The following XKR4 variants were observed in gnomAD, a reference collection of about 807,000 sequenced individuals.
XKR4 encodes the protein XK related 4.
A neutral mutation model predicts 53.9 loss-of-function variants in XKR4; 12 were observed. The observed-to-expected ratio is 0.22, with a 90% CI of 0.14 to 0.36. The LOEUF (loss-of-function observed/expected upper bound fraction) is 0.36, where lower values mean the gene tolerates loss of function less well. XKR4 is among the 10% of genes least tolerant of loss of function. XKR4 has a pLI of 1.00. For missense variants in XKR4, 799 were observed against 859.5 expected (o/e 0.93, Z 0.88); for synonymous variants, 354 against 362.4 (o/e 0.98, Z 0.26).
At chr8:55,510,491 G>T (rs555240206) in intron 2 of XKR4, among the ~76,000 whole-genome samples, 75 of 152,164 alleles carry the variant, frequency 4.9e-4, no homozygotes, top group African/African-American at 1.7e-3. Context: ...GGAGGGAGAG[G>T]GGTTACCAGG....
At chr8:55,219,255 A>G (rs1023549265) in intron 1 of XKR4, among the ~76,000 whole-genome samples, 2 of 151,732 alleles carry the variant, frequency 1.3e-5, no homozygotes, top group Non-Finnish European at 2.9e-5. Context: ...TGATTCATTC[A>G]TGGACCTGCG....
intron 2 of XKR4, among the ~76,000 whole-genome samples, chr8:55,413,416 G>A (rs920391730): frequency 1.3e-5 from 2 of 152,092 alleles, no homozygotes; most frequent in African/African-American, 4.8e-5. Context: ...AATGGAGACG[G>A]GGTTTCACCA....
chr8:55,416,494 C>T (rs1804847488), intron 2 of XKR4, among the ~76,000 whole-genome samples: 1 of 152,164 alleles, frequency 6.6e-6, no homozygotes, highest in Admixed American at 6.5e-5. Context: ...AAGGATCTGG[C>T]CAGATATTAC....
intron 2 of XKR4, chr8:55,455,001 G>C (rs1312924902): frequency 1.2e-6 from 1 of 818,268 alleles, no homozygotes; most frequent in Non-Finnish European, 2.2e-6. Context: ...CCGCTGGACT[G>C]GCAAAACAGC....
At chr8:55,184,146 C>G (rs1281490263) in intron 1 of XKR4, among the ~76,000 whole-genome samples, 6 of 152,088 alleles carry the variant, frequency 3.9e-5, no homozygotes, top group African/African-American at 1.4e-4. Flanking sequence ...GCTGAATCTT[C>G]TTAACAGCTT....
intron 2 of XKR4, among the ~76,000 whole-genome samples, chr8:55,411,585 A>T (rs1402570464): frequency 6.6e-6 from 1 of 152,192 alleles, no homozygotes; most frequent in Non-Finnish European, 1.5e-5. Context: ...CCTAACCCTG[A>T]TTCCCAAAAC....
chr8:55,497,896 TCCTGCAAGAC>T (rs1483316675), intron 2 of XKR4, among the ~76,000 whole-genome samples: 7 of 152,028 alleles, frequency 4.6e-5, no homozygotes, highest in Non-Finnish European at 8.8e-5. Context: ...CCTCATGCTC[TCCTGCAAGAC>T]CCTACACCAG....
intron 2 of XKR4, among the ~76,000 whole-genome samples, chr8:55,504,347 G>A (rs1806492638): frequency 6.6e-6 from 1 of 151,596 alleles, no homozygotes; most frequent in African/African-American, 2.4e-5. Context: ...CAAGTAGCTA[G>A]GATTACAGGC....
chr8:55,454,703 CG>C, intron 2 of XKR4: 2 of 862,352 alleles, frequency 2.3e-6, no homozygotes, highest in Non-Finnish European at 4.0e-6. Context: ...TCCACGTGGA[CG>C]GCATAGATGA....
intron 1 of XKR4, among the ~76,000 whole-genome samples, chr8:55,189,248 G>A (rs558413459): frequency 1.4e-4 from 22 of 152,298 alleles, no homozygotes; most frequent in Admixed American, 9.8e-4. Context: ...CTCTGAAAAA[G>A]GTAGAACTTT....
chr8:55,514,855 C>T (rs1806687511), intron 2 of XKR4, among the ~76,000 whole-genome samples: 1 of 152,114 alleles, frequency 6.6e-6, no homozygotes, highest in South Asian at 2.1e-4. Context: ...GGCCTTCTTG[C>T]TTTCTCCCAT....
intron 1 of XKR4, among the ~76,000 whole-genome samples, chr8:55,272,305 T>G (rs948017896): frequency 6.6e-6 from 1 of 152,134 alleles, no homozygotes; most frequent in African/African-American, 2.4e-5. Flanking sequence ...AACTCAACAT[T>G]AACAAGCAAT....
chr8:55,460,889 C>G (rs888924371), intron 2 of XKR4, among the ~76,000 whole-genome samples: 1 of 152,202 alleles, frequency 6.6e-6, no homozygotes, highest in African/African-American at 2.4e-5. Context: ...ATTGCTAGCA[C>G]AGCAGTCTGA....
At chr8:55,207,067 C>T (rs2129363034) in intron 1 of XKR4, among the ~76,000 whole-genome samples, 1 of 152,352 alleles carries the variant, frequency 6.6e-6, no homozygotes, top group East Asian at 1.9e-4. Context: ...TCACTCTCCC[C>T]AAATTCCCAA....
At chr8:55,435,698 T>C (rs1261703339) in intron 2 of XKR4, among the ~76,000 whole-genome samples, 1 of 88 alleles carries the variant, frequency 0.011, no homozygotes, top group East Asian at 0.071. Context: ...CCCTCCTGAA[T>C]AGTGGGACCC....
At chr8:55,452,383 G>A (rs1563354167) in intron 2 of XKR4, 1 of 629,600 alleles carries the variant, frequency 1.6e-6, no homozygotes, top group Non-Finnish European at 2.9e-6. Flanking sequence ...AAGATGACCC[G>A]GTACGTAGTG....
intron 1 of XKR4, among the ~76,000 whole-genome samples, chr8:55,312,447 G>T (rs1293686204): frequency 6.6e-6 from 1 of 152,120 alleles, no homozygotes; most frequent in East Asian, 1.9e-4. Flanking sequence ...GCATATTTAA[G>T]AAGTTGATAC....
chr8:55,102,931 C>G lies in XKR4; in HGVS notation c.443C>G (p.Thr148Arg). The change falls in exon 1 of 3, where the codon ACG becomes AGG. Residue 148 changes from threonine to arginine, a missense_variant. Physicochemically the swap from Thr to Arg is moderately conservative, Grantham distance 71 (BLOSUM62 -1). Transcript: ENST00000327381. This position sits in a 1 kb window ranked among gnomAD's most constrained non-coding sequence, Gnocchi z 5.1. ...LRGQRWWFGL[T>R]LFFVVLGSLS... Reference sequence around the variant, plus strand: ...GGCCAGCGCTGGTGGTTCGGGCTCACGCTCTTCTTCGTGGTGCTCGGCTCT... The same window carrying G: ...GGCCAGCGCTGGTGGTTCGGGCTCAGGCTCTTCTTCGTGGTGCTCGGCTCT... The G allele has an allele frequency of 6.2e-7, 1 of 1,611,700 alleles. No homozygotes were observed. Among genetic ancestry groups the G allele is most frequent in the Non-Finnish European group, 8.5e-7 (1 of 1,179,886 alleles).
intron 2 of XKR4, among the ~76,000 whole-genome samples, chr8:55,438,148 C>CA (rs371336409): frequency 1.8e-4 from 27 of 146,096 alleles, no homozygotes; most frequent in Admixed American, 8.2e-4. Context: ...CATTACCAGA[C>CA]AAAAAAAAAA....
Sources: gnomAD v4.1 joint callset for allele counts (sites outside exome capture counted in the v4.1 genomes callset) on GRCh38, gnomAD v4.1.1 for gene constraint, Gnocchi (gnomAD v3.1) non-coding constraint, MANE v1.5 for transcripts, NCBI Gene and HGNC (gene_info 2026-07-23, HGNC 2026-07-21) for gene names.